The following IMMP2L variants were observed in gnomAD, a reference collection of about 807,000 sequenced individuals.
The protein encoded by IMMP2L is inner mitochondrial membrane peptidase subunit 2.
Under a neutral mutation model 19.3 loss-of-function variants are expected in IMMP2L, and 18 were observed. The observed-to-expected ratio is 0.93, with a 90% confidence interval of 0.64 to 1.38. The LOEUF (loss-of-function observed/expected upper bound fraction) is 1.38. Ranked by LOEUF, IMMP2L falls within the 40% of genes most tolerant of loss-of-function variation. IMMP2L has a pLI of 0.00. For synonymous variants in IMMP2L, 76 were observed against 73.0 expected (o/e 1.04, Z -0.21); for missense variants, 233 against 218.2 (o/e 1.07, Z -0.43).
chr7:110,722,840 G>T (rs1175910030), intron 5 of IMMP2L, among the ~76,000 whole-genome samples: 1 of 152,112 alleles, frequency 6.6e-6, no homozygotes, highest in Non-Finnish European at 1.5e-5. Flanking sequence ...GTAGGGGTGT[G>T]AAGCAGAGAA....
intron 2 of IMMP2L, among the ~76,000 whole-genome samples, chr7:111,512,169 A>G (rs1845509664): frequency 6.6e-6 from 1 of 152,202 alleles, no homozygotes; most frequent in Non-Finnish European, 1.5e-5. Flanking sequence ...AATGTGGTAT[A>G]TTCATACAGA....
intron 3 of IMMP2L, among the ~76,000 whole-genome samples, chr7:111,030,520 T>C (rs1790650002): frequency 1.3e-5 from 2 of 152,098 alleles, no homozygotes; most frequent in Non-Finnish European, 2.9e-5. Context: ...CATGAGGAAG[T>C]CAGAGAAGAT....
intron 3 of IMMP2L, among the ~76,000 whole-genome samples, chr7:111,073,939 T>A (rs1795171830): frequency 6.6e-6 from 1 of 152,214 alleles, no homozygotes; most frequent in Admixed American, 6.5e-5. Flanking sequence ...TATTGGTCAG[T>A]CTTCTGTTCC....
rs188539255 is a variant in IMMP2L, at chr7:111,475,226, T to C, written c.239+12012A>G. Among the ~76,000 whole-genome samples the C allele has an allele frequency of 5.5e-4, 84 of 152,200 alleles. 2 individuals carry two copies. The highest frequency in any genetic ancestry group is 1.9e-3 in the African/African-American group (78 of 41,524). The stretch of plus-strand genomic sequence containing the variant: ...TAACCTTTCATGGGCCCTTGAGGTT[T>C]CTCCTTAATGGAAATAAACAATTTT... On this transcript the variant is annotated intron_variant, in intron 3 of 5. Coordinates refer to ENST00000405709, the MANE Select transcript of IMMP2L (RefSeq NM_032549.4).
chr7:111,023,543 C>CAAAAAAA (rs5886587), intron 3 of IMMP2L, among the ~76,000 whole-genome samples: 2 of 133,086 alleles, frequency 1.5e-5, no homozygotes, highest in African/African-American at 5.6e-5. Context: ...ACTAAAAATA[C>CAAAAAAA]AAAAAAAAAA....
intron 3 of IMMP2L, among the ~76,000 whole-genome samples, chr7:111,087,221 G>T (rs558868823): frequency 6.6e-6 from 1 of 152,016 alleles, no homozygotes; most frequent in African/African-American, 2.4e-5. Flanking sequence ...AGGCTGTGGC[G>T]GGCTGATCAC....
chr7:111,007,724 T>C (rs1824456635), intron 3 of IMMP2L, among the ~76,000 whole-genome samples: 1 of 152,068 alleles, frequency 6.6e-6, no homozygotes. Flanking sequence ...TACTTATATA[T>C]ATGCATGTGT....
chr7:111,505,518 C>G (rs1197799966), intron 2 of IMMP2L, among the ~76,000 whole-genome samples: 1 of 151,308 alleles, frequency 6.6e-6, no homozygotes, highest in African/African-American at 2.4e-5. Context: ...TAAAGGCACA[C>G]ACACATATAT....
chr7:111,345,971 T>C (rs1827498026), intron 3 of IMMP2L, among the ~76,000 whole-genome samples: 1 of 152,198 alleles, frequency 6.6e-6, no homozygotes, highest in Non-Finnish European at 1.5e-5. Flanking sequence ...CTTGCCTCAG[T>C]TTTCTTGTCT....
intron 3 of IMMP2L, among the ~76,000 whole-genome samples, chr7:111,333,804 T>C (rs2130699657): frequency 6.6e-6 from 1 of 152,244 alleles, no homozygotes; most frequent in African/African-American, 2.4e-5. Flanking sequence ...CTCCAAGTTC[T>C]TCACCTTTGT....
At chr7:110,901,013 C>T (rs1811810149) in intron 4 of IMMP2L, among the ~76,000 whole-genome samples, 1 of 151,832 alleles carries the variant, frequency 6.6e-6, no homozygotes, top group African/African-American at 2.4e-5. Context: ...ACTTGCTGTT[C>T]TCTGCTTGGA....
chr7:111,222,319 A>G (rs1562941956), intron 3 of IMMP2L, among the ~76,000 whole-genome samples: 1 of 152,014 alleles, frequency 6.6e-6, no homozygotes, highest in African/African-American at 2.4e-5. Context: ...ATGCCTAACA[A>G]AACAAAAAAA....
At chr7:111,442,321 G>A (rs545623034) in intron 3 of IMMP2L, among the ~76,000 whole-genome samples, 1 of 151,876 alleles carries the variant, frequency 6.6e-6, no homozygotes, top group South Asian at 2.1e-4. Flanking sequence ...TTCCTTAGTG[G>A]AACTGTAGGA....
chr7:111,279,971 T>C (rs2130575028), intron 3 of IMMP2L, among the ~76,000 whole-genome samples: 1 of 152,254 alleles, frequency 6.6e-6, no homozygotes, highest in East Asian at 1.9e-4. Context: ...TTCTTAGTAG[T>C]CTCCTACTTC....
At chr7:110,753,382 A>T (rs577649981) in intron 5 of IMMP2L, among the ~76,000 whole-genome samples, 1 of 152,038 alleles carries the variant, frequency 6.6e-6, no homozygotes, top group Non-Finnish European at 1.5e-5. Context: ...TTCATAGCCA[A>T]GAAGTGGAGA....
At chr7:110,996,438 C>T (rs530176780) in intron 3 of IMMP2L, among the ~76,000 whole-genome samples, 1 of 152,154 alleles carries the variant, frequency 6.6e-6, no homozygotes, top group African/African-American at 2.4e-5. Context: ...TACAGAACAG[C>T]ACAAGCCATC....
intron 5 of IMMP2L, among the ~76,000 whole-genome samples, chr7:110,799,907 A>G (rs1462559717): frequency 1.3e-5 from 2 of 152,072 alleles, no homozygotes; most frequent in East Asian, 3.9e-4. Context: ...GTCCAGCTCT[A>G]CTGTAAATCA....
chr7:111,020,984 T>C (rs1826216389), intron 3 of IMMP2L, among the ~76,000 whole-genome samples: 1 of 152,164 alleles, frequency 6.6e-6, no homozygotes, highest in Admixed American at 6.5e-5. Flanking sequence ...AATATAACAA[T>C]TAGTAAAAGT....
At position 110,758,610 on chromosome 7, in the gene IMMP2L, T is replaced by C. The variant is rs1798170145; in HGVS notation, c.409-94889A>G. Among the ~76,000 whole-genome samples, 1 of 152,064 alleles carries C rather than the reference T, an allele frequency of 6.6e-6. No individual in the cohort carries two copies. Among genetic ancestry groups the C allele is most frequent in the South Asian group, 2.1e-4 (1 of 4,830 alleles). On this transcript the variant is annotated intron_variant, in intron 5 of 5. Transcript: ENST00000405709. The surrounding 1 kb of genome is among the most constrained non-coding windows in gnomAD (Gnocchi z 4.6). The stretch of plus-strand genomic sequence containing the variant: ...TATTTAGCAGATAATAATCAATCAA[T>C]ATTGACTTTCAGTCTTCCTACAGTA...
Sources: gnomAD v4.1 joint callset for allele counts (sites outside exome capture counted in the v4.1 genomes callset) on GRCh38, gnomAD v4.1.1 for gene constraint, Gnocchi (gnomAD v3.1) non-coding constraint, MANE v1.5 for transcripts, NCBI Gene and HGNC (gene_info 2026-07-23, HGNC 2026-07-21) for gene names.